The following ADGRV1 variants were observed in gnomAD, a reference collection of about 807,000 sequenced individuals.
The protein encoded by ADGRV1 is adhesion G protein-coupled receptor V1, also known as G-protein coupled receptor 98.
Under a neutral mutation model 596.2 loss-of-function variants are expected in ADGRV1, and 359 were observed. The observed-to-expected ratio is 0.60, with a 90% CI of 0.55 to 0.66. The LOEUF (loss-of-function observed/expected upper bound fraction) is 0.66. ADGRV1 is among the 30% of genes least tolerant of loss of function. ADGRV1 has a pLI of 0.00. For missense variants in ADGRV1, 7,274 were observed against 7,575.6 expected, an observed-to-expected ratio of 0.96 and a Z score of 1.48; for synonymous variants, 2,681 against 2,679.2, an observed-to-expected ratio of 1.00 and a Z score of -0.02.
intron 85 of ADGRV1, among the ~76,000 whole-genome samples, chr5:91,026,983 A>T (rs1784065292): frequency 6.6e-6 from 1 of 151,910 alleles, no homozygotes; most frequent in Non-Finnish European, 1.5e-5. Context: ...CTCTACCAAA[A>T]ATACAAAAAT....
chr5:90,760,227 G>C (rs1756364512), intron 58 of ADGRV1, among the ~76,000 whole-genome samples: 1 of 143,474 alleles, frequency 7.0e-6, no homozygotes, highest in Non-Finnish European at 1.5e-5. Context: ...AGTGAGCCGA[G>C]ATCACGCCAC....
chr5:90,758,332 C>CA (rs1043903797), intron 57 of ADGRV1, among the ~76,000 whole-genome samples: 32 of 150,700 alleles, frequency 2.1e-4, no homozygotes, highest in Admixed American at 1.2e-3. Flanking sequence ...GACTCCATCT[C>CA]AAAAAAAACA....
At chr5:91,001,747 A>T (rs547406075) in intron 85 of ADGRV1, among the ~76,000 whole-genome samples, 42 of 152,294 alleles carry the variant, frequency 2.8e-4, no homozygotes, top group African/African-American at 9.4e-4. Context: ...TTCTTCAATT[A>T]CATCTTTCAA....
intron 23 of ADGRV1, 112 bp from the exon 24 acceptor site, chr5:90,675,131 C>A: frequency 2.8e-6 from 2 of 711,014 alleles, no homozygotes; most frequent in Admixed American, 3.0e-5. Context: ...AAATAAAGTC[C>A]CTCAGAATTT....
intron 1 of ADGRV1, among the ~76,000 whole-genome samples, chr5:90,596,003 GC>G (rs766666984): frequency 1.1e-4 from 17 of 149,806 alleles, no homozygotes; most frequent in Non-Finnish European, 2.2e-4. Context: ...CGGGGCGGCT[GC>G]CGGGCGGAGA....
intron 83 of ADGRV1, among the ~76,000 whole-genome samples, chr5:90,889,617 C>T (rs1225218917): frequency 6.6e-6 from 1 of 151,938 alleles, no homozygotes; most frequent in African/African-American, 2.4e-5. Flanking sequence ...CATTTTTTCA[C>T]CTTTTTTGGT....
At chr5:90,865,540 C>G (rs551270905) in intron 83 of ADGRV1, among the ~76,000 whole-genome samples, 6 of 152,100 alleles carry the variant, frequency 3.9e-5, no homozygotes, top group African/African-American at 1.4e-4. Context: ...TAGTCATATC[C>G]ATGTTTTTCA....
intron 72 of ADGRV1, among the ~76,000 whole-genome samples, chr5:90,806,676 TTTTGTGAG>T (rs1761930535): frequency 6.6e-6 from 1 of 152,156 alleles, no homozygotes; most frequent in Admixed American, 6.5e-5. Flanking sequence ...CTTCAAACGC[TTTTGTGAG>T]TTTATGTTAA....
chr5:90,812,671 G>A (rs1581202411), intron 74 of ADGRV1, among the ~76,000 whole-genome samples: 1 of 152,066 alleles, frequency 6.6e-6, no homozygotes, highest in East Asian at 1.9e-4. Flanking sequence ...CCTTTCATAT[G>A]CTCAGCATTA....
chr5:90,805,196 C>A, intron 71 of ADGRV1, 88 bp from the exon 72 acceptor site: 1 of 1,091,888 alleles, frequency 9.2e-7, no homozygotes, highest in Non-Finnish European at 1.3e-6. Flanking sequence ...ATTGTATAAA[C>A]CAAGGGAAAG....
chr5:90,858,469 T>C (rs925356671), intron 82 of ADGRV1, among the ~76,000 whole-genome samples: 2 of 152,042 alleles, frequency 1.3e-5, no homozygotes, highest in Non-Finnish European at 2.9e-5. Flanking sequence ...TCTTATAGTC[T>C]TGTAATCTTT....
intron 87 of ADGRV1, among the ~76,000 whole-genome samples, chr5:91,113,997 T>C (rs951874398): frequency 6.6e-6 from 1 of 151,926 alleles, no homozygotes; most frequent in Non-Finnish European, 1.5e-5. Context: ...GGCAGGCAGA[T>C]CATGTGGTCA....
intron 70 of ADGRV1, among the ~76,000 whole-genome samples, chr5:90,795,775 G>A (rs888458129): frequency 6.6e-6 from 1 of 152,184 alleles, no homozygotes; most frequent in African/African-American, 2.4e-5. Context: ...CAGGTGCCCC[G>A]CTGGGTCGAA....
At chr5:91,072,698 C>A in intron 86 of ADGRV1, 94 bp downstream of exon 86, 1 of 1,314,078 alleles carries the variant, frequency 7.6e-7, no homozygotes, top group Non-Finnish European at 1.1e-6. Flanking sequence ...GAGGGAAGTT[C>A]GGCTCATCTT....
At chr5:90,666,396 G>C (rs1408967500) in intron 21 of ADGRV1, among the ~76,000 whole-genome samples, 1 of 151,982 alleles carries the variant, frequency 6.6e-6, no homozygotes, top group Admixed American at 6.6e-5. Flanking sequence ...TTTGATCTTT[G>C]TTGGTTTAAA....
In ADGRV1 at chr5:90,807,655, T is replaced by C. The variant is rs1229793996; in HGVS notation, c.14890T>C (p.Phe4964Leu). Residue 4964 changes from phenylalanine (F) to leucine (L), a missense_variant, in exon 73 of 90, where the codon TTT becomes CTT. Transcript: ENST00000405460. ...AAGGAAAGGAGTTTTCCTGTGGACG[T>C]TTCCTAGCCCTGGTTGGCCAGAGGC... ...EQRKGVFLWT[F>L]PSPGWPEAFV... 6.2e-7 allele frequency: 1 copy of C among 1,613,316 alleles called. No homozygotes were observed. The highest frequency in any genetic ancestry group is 1.3e-5 in the African/African-American group (1 of 75,054).
intron 86 of ADGRV1, among the ~76,000 whole-genome samples, chr5:91,081,883 G>A (rs1581998462): frequency 6.6e-6 from 1 of 152,290 alleles, no homozygotes; most frequent in South Asian, 2.1e-4. Flanking sequence ...AACTAGTGCT[G>A]CCACCTAAAA....
In ADGRV1 at chr5:90,790,848, GT is replaced by G. The variant is rs1253403296; in HGVS notation, c.14044-23del. 2.7e-6 allele frequency: 4 copies of G among 1,479,808 alleles called. No homozygotes were observed. In the African/African-American group the frequency reaches 5.6e-5, roughly 21 times the overall value. The allele number at this position is 1,479,808 out of a possible 1,614,324, so 91.7% of individuals were successfully genotyped here. The stretch of plus-strand genomic sequence containing the variant: ...GCAATATACTGAATTATATAACTTT[GT>G]TGAGTTTTTTTCTTTTATTTTAGGT... On this transcript the variant is annotated intron_variant, in intron 69 of 89. Transcript: ENST00000405460.
At chr5:91,067,755 C>A (rs780941824) in intron 85 of ADGRV1, among the ~76,000 whole-genome samples, 1 of 152,168 alleles carries the variant, frequency 6.6e-6, no homozygotes, top group Non-Finnish European at 1.5e-5. Context: ...ACCTGTGTTT[C>A]TTCATCAGTA....
Sources: allele counts gnomAD v4.1 joint callset (sites outside exome capture counted in the v4.1 genomes callset), GRCh38; gene constraint gnomAD v4.1.1; transcripts MANE v1.5; gene names NCBI Gene and HGNC (gene_info 2026-07-23, HGNC 2026-07-21).